Variants in CNTN6 observed in about 807,000 individuals in gnomAD.
The protein encoded by CNTN6 is contactin-6.
A neutral mutation model predicts 122.8 loss-of-function variants in CNTN6; 137 were observed. The observed-to-expected ratio is 1.12, with a 90% CI of 0.97 to 1.29. CNTN6 has a LOEUF of 1.29. Among genes scored for constraint, CNTN6 ranks in the 50% most tolerant of loss-of-function variants. The pLI is 0.00. For missense variants in CNTN6, 1,634 were observed against 1,223.4 expected, an observed-to-expected ratio of 1.34 and a Z score of -5.01; for synonymous variants, 570 against 426.0, an observed-to-expected ratio of 1.34 and a Z score of -4.16.
At chr3:1,349,842 T>C (rs116111076) in intron 11 of CNTN6, among the ~76,000 whole-genome samples, 3,623 of 151,906 alleles carry the variant, frequency 0.024, 80 homozygotes, top group Non-Finnish European at 0.032. Flanking sequence ...ATCTCATTAA[T>C]TAAAGGAGAA....
At chr3:1,276,627 G>T (rs1178955578) in intron 4 of CNTN6, among the ~76,000 whole-genome samples, 3 of 152,118 alleles carry the variant, frequency 2.0e-5, no homozygotes, top group East Asian at 1.9e-4. Context: ...ATTTAGTACG[G>T]TTTTTTCATT....
At chr3:1,330,329 G>A (rs74680111) in intron 11 of CNTN6, among the ~76,000 whole-genome samples, 2,823 of 151,950 alleles carry the variant, frequency 0.019, 97 homozygotes, top group African/African-American at 0.064. Flanking sequence ...AGTCACACAG[G>A]TGTTCACCCC....
At chr3:1,356,063 C>T (rs1003798604) in intron 12 of CNTN6, among the ~76,000 whole-genome samples, 3 of 151,686 alleles carry the variant, frequency 2.0e-5, no homozygotes, top group Non-Finnish European at 4.4e-5. Flanking sequence ...AACAAGGAAT[C>T]AAGAGGAAAG....
chr3:1,148,310 A>G (rs568569029), intron 2 of CNTN6, among the ~76,000 whole-genome samples: 2 of 152,104 alleles, frequency 1.3e-5, no homozygotes, highest in East Asian at 3.9e-4. Flanking sequence ...ACATTTTTAT[A>G]CAATGTAATT....
At chr3:1,323,078 T>C (rs1701084493) in intron 8 of CNTN6, among the ~76,000 whole-genome samples, 1 of 151,730 alleles carries the variant, frequency 6.6e-6, no homozygotes, top group Admixed American at 6.6e-5. Flanking sequence ...CAAAGGTATC[T>C]GTAAACTGGA....
At chr3:1,210,615 G>C (rs765742012) in intron 2 of CNTN6, among the ~76,000 whole-genome samples, 12 of 152,096 alleles carry the variant, frequency 7.9e-5, no homozygotes, top group Non-Finnish European at 1.6e-4. Context: ...CAGAACTCAA[G>C]TGGATGTATA....
At chr3:1,393,555 TAAAAAAAA>T (rs572632140) in intron 20 of CNTN6, among the ~76,000 whole-genome samples, 7 of 107,914 alleles carry the variant, frequency 6.5e-5, no homozygotes, top group African/African-American at 2.3e-4. Flanking sequence ...CTTAAAGAAG[TAAAAAAAA>T]AAAAAAAAAA....
intron 20 of CNTN6, among the ~76,000 whole-genome samples, chr3:1,388,346 A>G (rs1383034885): frequency 6.8e-6 from 1 of 146,780 alleles, no homozygotes; most frequent in East Asian, 2.0e-4. Context: ...CCTGAAGCTG[A>G]GGGTCCTGTC....
chr3:1,352,706 A>T (rs1169328813), intron 12 of CNTN6, among the ~76,000 whole-genome samples: 2 of 151,770 alleles, frequency 1.3e-5, no homozygotes, highest in African/African-American at 2.4e-5. Context: ...CACCTAAATT[A>T]TTTGGCTTTT....
chr3:1,387,377 A>C (rs1024546133), intron 20 of CNTN6, among the ~76,000 whole-genome samples: 3 of 152,206 alleles, frequency 2.0e-5, no homozygotes, highest in Admixed American at 6.5e-5. Context: ...AAATCAATGA[A>C]GTTGTTGCCA....
At chr3:1,313,889 G>C (rs73816298) in intron 7 of CNTN6, among the ~76,000 whole-genome samples, 2 of 151,972 alleles carry the variant, frequency 1.3e-5, no homozygotes, top group Non-Finnish European at 2.9e-5. Flanking sequence ...CTGTGTCCTC[G>C]CATGGTGGAA....
At chr3:1,298,930 A>G (rs1696744189) in intron 7 of CNTN6, among the ~76,000 whole-genome samples, 1 of 152,172 alleles carries the variant, frequency 6.6e-6, no homozygotes, top group Admixed American at 6.5e-5. Flanking sequence ...CACATTTAGA[A>G]ATAGTGACTT....
intron 7 of CNTN6, among the ~76,000 whole-genome samples, chr3:1,308,287 T>TTTTGTGTGTGTGTGTG (rs144593016): frequency 3.5e-5 from 5 of 144,826 alleles, no homozygotes; most frequent in African/African-American, 1.3e-4. Context: ...ATGGGGTGTT[T>TTTTGTGTGTGTGTGTG]TGTGTGTGTG....
chr3:1,228,164 C>A lies in CNTN6; in HGVS notation c.358+171C>A, dbSNP rs538601665. ...TCTAGATTCTTGGGTATAATAGAAA[C>A]CTGCTTCTAAAAAAAGAATAAAAAA... On this transcript the variant is annotated intron_variant, in intron 4 of 22. Coordinates refer to ENST00000446702, the MANE Select transcript of CNTN6 (RefSeq NM_001289080.2). 2.2e-4 allele frequency among the ~76,000 whole-genome samples: 33 copies of A among 151,462 alleles called. No individual in the cohort carries two copies. The South Asian group carries it at 6.0e-3, about 28-fold the overall frequency.
intron 2 of CNTN6, among the ~76,000 whole-genome samples, chr3:1,214,166 A>G (rs1355310696): frequency 6.6e-6 from 1 of 151,986 alleles, no homozygotes; most frequent in African/African-American, 2.4e-5. Flanking sequence ...AGATCTGCAT[A>G]TTGATTCATA....
chr3:1,174,291 A>G (rs2093410872), intron 2 of CNTN6, among the ~76,000 whole-genome samples: 2 of 152,176 alleles, frequency 1.3e-5, no homozygotes, highest in Non-Finnish European at 2.9e-5. Context: ...ATCTCTTCAG[A>G]GGCACCCAAT....
intron 7 of CNTN6, among the ~76,000 whole-genome samples, chr3:1,318,745 C>T (rs1700452497): frequency 6.6e-6 from 1 of 151,706 alleles, no homozygotes; most frequent in Admixed American, 6.6e-5. Context: ...CCCTAGAAGC[C>T]AGTCATTTAT....
At chr3:1,400,730 G>T (rs1184471594) in intron 20 of CNTN6, among the ~76,000 whole-genome samples, 2 of 152,094 alleles carry the variant, frequency 1.3e-5, no homozygotes, top group African/African-American at 4.8e-5. Context: ...TCTCTGAACA[G>T]AGGAGGTTTT....
intron 4 of CNTN6, among the ~76,000 whole-genome samples, chr3:1,242,886 C>G (rs1243755519): frequency 6.6e-6 from 1 of 151,856 alleles, no homozygotes; most frequent in Non-Finnish European, 1.5e-5. Flanking sequence ...GAAGCCTGGC[C>G]GTCAATACCC....
Sources: allele counts gnomAD v4.1 joint callset (sites outside exome capture counted in the v4.1 genomes callset), GRCh38; gene constraint gnomAD v4.1.1; transcripts MANE v1.5; gene names NCBI Gene and HGNC (gene_info 2026-07-23, HGNC 2026-07-21).